The following PLCB4 variants were observed in gnomAD, a reference collection of about 807,000 sequenced individuals.
The protein encoded by PLCB4 is phospholipase C beta 4.
Under a neutral mutation model 178.8 loss-of-function variants are expected in PLCB4, and 77 were observed. That is an observed-to-expected ratio of 0.43 (90% confidence interval 0.36 to 0.52). The LOEUF is 0.52. Ranked by LOEUF, PLCB4 falls within the 20% of genes least tolerant of loss-of-function variation. The pLI, the probability that PLCB4 is intolerant of heterozygous loss-of-function variation, is 0.00. For synonymous variants in PLCB4, 496 were observed against 490.8 expected (o/e 1.01, Z -0.14); for missense variants, 1,024 against 1,453.4 (o/e 0.70, Z 4.80).
chr20:9,202,668 G>A (rs1316303387), intron 2 of PLCB4, among the ~76,000 whole-genome samples: 1 of 152,154 alleles, frequency 6.6e-6, no homozygotes, highest in Non-Finnish European at 1.5e-5. Context: ...GACTGGTCTA[G>A]CTCAGTGGTA....
At chr20:9,307,129 A>G (rs1470978328) in intron 3 of PLCB4, among the ~76,000 whole-genome samples, 1 of 152,084 alleles carries the variant, frequency 6.6e-6, no homozygotes, top group East Asian at 1.9e-4. Flanking sequence ...TGCTACAAAC[A>G]TTGTGAACAC....
intron 3 of PLCB4, among the ~76,000 whole-genome samples, chr20:9,302,642 A>C (rs1291134169): frequency 6.6e-6 from 1 of 152,162 alleles, no homozygotes; most frequent in Non-Finnish European, 1.5e-5. Context: ...TCCACTGCAG[A>C]AGAGATTAAG....
intron 2 of PLCB4, among the ~76,000 whole-genome samples, chr20:9,137,392 T>C (rs1600661063): frequency 6.6e-6 from 1 of 152,096 alleles, no homozygotes; most frequent in Non-Finnish European, 1.5e-5. Context: ...ATACTCAGCA[T>C]GTAGGATCCA....
In PLCB4 at chr20:9,088,282, T is replaced by C. The variant is rs559127513; in HGVS notation, c.-134-8005T>C. ...GTTTGCTGCAGTGCAGTTCTTCTCA[T>C]ACACAGACTCTTGGAGGTGATCTCT... On this transcript the variant is annotated intron_variant, in intron 1 of 39. Transcript: ENST00000378473. 1.7e-3 allele frequency among the ~76,000 whole-genome samples: 264 copies of C among 152,034 alleles called. 1 individual carries two copies. The highest frequency in any genetic ancestry group is 3.1e-3 in the Non-Finnish European group (209 of 67,938).
At chr20:9,458,913 A>T (rs1201989553) in intron 34 of PLCB4, among the ~76,000 whole-genome samples, 1 of 152,236 alleles carries the variant, frequency 6.6e-6, no homozygotes, top group Non-Finnish European at 1.5e-5. Context: ...GGGTTGACAC[A>T]GTAAGTCATG....
intron 25 of PLCB4, among the ~76,000 whole-genome samples, chr20:9,416,451 G>T (rs1204682231): frequency 6.6e-6 from 1 of 152,086 alleles, no homozygotes; most frequent in Non-Finnish European, 1.5e-5. Flanking sequence ...CACAGCTGGG[G>T]TCCAAATGCT....
intron 12 of PLCB4, among the ~76,000 whole-genome samples, chr20:9,379,563 A>G (rs1171463694): frequency 1.3e-5 from 2 of 152,012 alleles, no homozygotes; most frequent in Non-Finnish European, 2.9e-5. Flanking sequence ...GGTGTTATGA[A>G]AAAGAGATGA....
At chr20:9,180,115 C>T (rs1040083040) in intron 2 of PLCB4, among the ~76,000 whole-genome samples, 10 of 152,188 alleles carry the variant, frequency 6.6e-5, no homozygotes, top group Admixed American at 4.6e-4. Flanking sequence ...TGAAATCTCT[C>T]ACTGTGCATC....
At chr20:9,328,765 G>C (rs1488044133) in intron 4 of PLCB4, among the ~76,000 whole-genome samples, 1 of 152,172 alleles carries the variant, frequency 6.6e-6, no homozygotes, top group Non-Finnish European at 1.5e-5. Flanking sequence ...TGTTTGTCTG[G>C]GGTAATACCC....
Position 9,480,635 on chromosome 20 carries a change from A to G in PLCB4, c.*1626A>G, listed in dbSNP as rs950859121. The G allele has an allele frequency of 6.6e-6, 1 of 152,174 alleles. No individual in the cohort carries two copies. The highest frequency in any genetic ancestry group is 2.4e-5 in the African/African-American group (1 of 41,446). 9.4% of individuals were successfully genotyped at this position (152,174 alleles called of 1,614,324 possible). A position where few individuals can be genotyped will look rare whatever the true frequency, so the allele number is the denominator to read the frequency against. ...AAACATGCAGATTCTAGTTGACTTCAGTTGTAATAGACTTGTTTTTCTCCT... is the reference window on the plus strand; with the variant it reads ...AAACATGCAGATTCTAGTTGACTTCGGTTGTAATAGACTTGTTTTTCTCCT... On this transcript the variant is annotated 3_prime_UTR_variant, in exon 40 of 40. Transcript: ENST00000378473.
chr20:9,070,077 T>C (rs1442248341), intron 1 of PLCB4, among the ~76,000 whole-genome samples: 3 of 152,166 alleles, frequency 2.0e-5, no homozygotes, highest in Non-Finnish European at 4.4e-5. Context: ...ATTTAAGTTA[T>C]AGGTATGTGG....
chr20:9,379,764 C>T (rs2036980013), intron 12 of PLCB4, among the ~76,000 whole-genome samples: 1 of 152,096 alleles, frequency 6.6e-6, no homozygotes. Flanking sequence ...AACTGGAAGA[C>T]AGTACAATTG....
chr20:9,474,991 C>T (rs1302123677), intron 38 of PLCB4, among the ~76,000 whole-genome samples: 1 of 152,166 alleles, frequency 6.6e-6, no homozygotes, highest in Non-Finnish European at 1.5e-5. Context: ...GAAAGTGCTC[C>T]TGGGGGAAAT....
At chr20:9,111,580 C>T (rs1010333921) in intron 2 of PLCB4, among the ~76,000 whole-genome samples, 16 of 152,236 alleles carry the variant, frequency 1.1e-4, no homozygotes, top group Non-Finnish European at 1.2e-4. Flanking sequence ...TCCACCCACC[C>T]ATTCTGACAA....
chr20:9,191,859 A>G (rs914772547), intron 2 of PLCB4, among the ~76,000 whole-genome samples: 17 of 151,660 alleles, frequency 1.1e-4, no homozygotes, highest in Admixed American at 2.0e-4. Context: ...GGCTATGTCC[A>G]GATATTAATT....
Position 9,408,056 on chromosome 20 carries a change from A to G in PLCB4, c.1787A>G (p.Glu596Gly). Residue 596 changes from glutamate (E) to glycine (G), a missense_variant and splice_region_variant, in exon 22 of 40, where the codon GAA becomes GGA. This residue lies in a region of PLCB4 where 263 missense variants were observed against 417.4 expected (regional missense o/e 0.63). Coordinates refer to ENST00000378473, the MANE Select transcript of PLCB4 (RefSeq NM_001377142.1). ...AAGTTTCAAGGTTTCCATGTGGCAG[A>G]AGGTAACACCAAAGGTTAAATGCAG... ...PVKFQGFHVA[E>G]ERNIHYNMSS... 2 of 1,612,036 alleles carry G rather than the reference A, an allele frequency of 1.2e-6. No individual in the cohort carries two copies. Among genetic ancestry groups the G allele is most frequent in the South Asian group, 2.2e-5 (2 of 90,616 alleles).
chr20:9,081,672 G>A (rs1600266764), intron 1 of PLCB4, among the ~76,000 whole-genome samples: 1 of 148,192 alleles, frequency 6.7e-6, no homozygotes, highest in South Asian at 2.2e-4. Context: ...GCATATTAGT[G>A]ACTAAGTTGA....
chr20:9,463,694 T>A (rs2043564483), intron 35 of PLCB4, among the ~76,000 whole-genome samples: 1 of 147,378 alleles, frequency 6.8e-6, no homozygotes, highest in African/African-American at 2.5e-5. Context: ...GGCCATTACA[T>A]AATGGTAAAG....
intron 32 of PLCB4, among the ~76,000 whole-genome samples, chr20:9,445,508 A>G (rs1219233241): frequency 6.6e-6 from 1 of 152,162 alleles, no homozygotes. Flanking sequence ...TTGTGCTAAC[A>G]CTGATTTTTT....
Sources: allele counts gnomAD v4.1 joint callset (sites outside exome capture counted in the v4.1 genomes callset), GRCh38; gene constraint gnomAD v4.1.1; regional missense constraint gnomAD v4.1.1; transcripts MANE v1.5; gene names NCBI Gene and HGNC (gene_info 2026-07-23, HGNC 2026-07-21).